Variants in SLC12A6 observed in about 807,000 individuals in gnomAD.
SLC12A6 encodes the protein K-Cl cotransporter 3.
Under a neutral mutation model 135.3 loss-of-function variants are expected in SLC12A6, and 66 were observed. The observed-to-expected ratio is 0.49, with a 90% CI of 0.40 to 0.60. The LOEUF (loss-of-function observed/expected upper bound fraction) is 0.60. Ranked by LOEUF, SLC12A6 falls within the 20% of genes least tolerant of loss-of-function variation. The probability of loss-of-function intolerance (pLI) is 0.00; values close to 1 mark genes in which losing one functional copy is unlikely to be tolerated. For synonymous variants in SLC12A6, 513 were observed against 508.8 expected, an observed-to-expected ratio of 1.01 and a Z score of -0.11; for missense variants, 1,058 against 1,452.3, an observed-to-expected ratio of 0.73 and a Z score of 4.41.
At chr15:34,245,485 C>T in intron 14 of SLC12A6, 82 bp from the exon 15 acceptor site, 1 of 932,804 alleles carries the variant, frequency 1.1e-6, no homozygotes, top group Admixed American at 1.7e-5. Flanking sequence ...TTTCAGACAT[C>T]TGGAAGACAA....
At chr15:34,271,349 T>C (rs1049760851) in intron 3 of SLC12A6, among the ~76,000 whole-genome samples, 1 of 150,892 alleles carries the variant, frequency 6.6e-6, no homozygotes, top group Non-Finnish European at 1.5e-5. Context: ...ATTGTAGATA[T>C]GTTCCTAAGT....
In SLC12A6 at chr15:34,252,201, G is replaced by C. The variant is rs892640393; in HGVS notation, c.1302C>G (p.Gly434=). Residue 434 remains glycine, a synonymous_variant, in exon 10 of 26, where the codon GGC becomes GGG. Transcript: ENST00000354181. ...FVHNNVTSIQ[G]IPGLASGIIT... The stretch of plus-strand genomic sequence containing the variant: ...TTATACCACTAGCCAATCCAGGAAT[G>C]CCCTGGATTGAAGTGACGTTATTGT... The C allele has an allele frequency of 3.8e-6, 6 of 1,594,700 alleles. No homozygotes were observed. In the African/African-American group the frequency reaches 8.1e-5, roughly 21 times the overall value.
intron 17 of SLC12A6, among the ~76,000 whole-genome samples, chr15:34,241,861 T>C (rs908579923): frequency 1.3e-5 from 2 of 152,266 alleles, no homozygotes; most frequent in African/African-American, 4.8e-5. Flanking sequence ...TGTTTAGTAC[T>C]AATTATTATT....
chr15:34,313,865 G>T (rs1393271609), intron 2 of SLC12A6, among the ~76,000 whole-genome samples: 4 of 151,686 alleles, frequency 2.6e-5, no homozygotes, highest in African/African-American at 2.4e-5. Context: ...TCAGCTACTA[G>T]GAGGCTGAGA....
Position 34,236,165 on chromosome 15 carries a change from C to T in SLC12A6, c.3077G>A (p.Arg1026Gln), listed in dbSNP as rs764760014. The T allele has an allele frequency of 5.6e-6, 9 of 1,613,592 alleles. No individual in the cohort carries two copies. Among genetic ancestry groups the T allele is most frequent in the South Asian group, 2.2e-5 (2 of 91,066 alleles). The change falls in exon 24 of 26, where the codon CGA (arginine) becomes CAA (glutamine). Residue 1026 changes from arginine to glutamine, a missense_variant. Physicochemically the swap from Arg to Gln is conservative, Grantham distance 43. This residue lies in a region of SLC12A6 where 245 missense variants were observed against 440.8 expected (regional missense o/e 0.56). Coordinates refer to ENST00000354181, the MANE Select transcript of SLC12A6 (RefSeq NM_001365088.1). ...CTCATCAGAGCCAATGCTGGTCAAT[C>T]GTAGCATTGAGTTTCGGTCTTTCAC... ...QLVKDRNSML[R>Q]LTSIGSDEDE...
chr15:34,254,288 C>A, intron 9 of SLC12A6, 60 bp downstream of exon 9: 1 of 1,501,034 alleles, frequency 6.7e-7, no homozygotes, highest in South Asian at 1.1e-5. Flanking sequence ...ATTATCACAC[C>A]ACCAGATATT....
At chr15:34,252,452 G>A in intron 9 of SLC12A6, 68 bp from the exon 10 acceptor site, 1 of 917,450 alleles carries the variant, frequency 1.1e-6, no homozygotes, top group Admixed American at 1.9e-5. Flanking sequence ...AAAGGAAACA[G>A]GTTAGTAAAG....
intron 2 of SLC12A6, among the ~76,000 whole-genome samples, chr15:34,322,679 T>C (rs1195319416): frequency 6.6e-6 from 1 of 151,828 alleles, no homozygotes; most frequent in Admixed American, 6.6e-5. Context: ...CCTGTATGCT[T>C]GAAAATTTTC....
At chr15:34,301,151 T>C (rs1896228838) in intron 2 of SLC12A6, among the ~76,000 whole-genome samples, 1 of 152,102 alleles carries the variant, frequency 6.6e-6, no homozygotes, top group Non-Finnish European at 1.5e-5. Flanking sequence ...TCTTTTTTAG[T>C]AGAGACAGGG....
At chr15:34,295,641 T>C (rs1487713473) in intron 2 of SLC12A6, among the ~76,000 whole-genome samples, 1 of 152,206 alleles carries the variant, frequency 6.6e-6, no homozygotes, top group Non-Finnish European at 1.5e-5. Context: ...AATAATAGTT[T>C]GAGTCACTAT....
rs566798583 is a variant in SLC12A6 at position 34,261,726 on chromosome 15, G to T, written c.317-706C>A. On this transcript the variant is annotated intron_variant, in intron 3 of 25. Coordinates refer to ENST00000354181, the MANE Select transcript of SLC12A6 (RefSeq NM_001365088.1). Reference sequence around the variant, plus strand: ...ATTGCTGCTGATAATGACAGTAAAAGCTCTCTGCCTCCACAGCTGTCTGAC... The same window carrying T: ...ATTGCTGCTGATAATGACAGTAAAATCTCTCTGCCTCCACAGCTGTCTGAC... 2.0e-4 allele frequency among the ~76,000 whole-genome samples: 30 copies of T among 152,310 alleles called. 1 individual carries two copies. The highest frequency in any genetic ancestry group is 6.5e-4 in the African/African-American group (27 of 41,566).
In SLC12A6 at chr15:34,232,207, A is replaced by G. The variant is rs1228326054; in HGVS notation, c.*1674T>C. On this transcript the variant is annotated 3_prime_UTR_variant, in exon 26 of 26. Transcript: ENST00000354181. ...CAGTATATTAGTAAATAAAAAGCTG[A>G]GCTTACACAAGTATTTCCTTGGCAC... 2 of 152,148 alleles carry G rather than the reference A, an allele frequency of 1.3e-5. No individual in the cohort carries two copies. The highest frequency in any genetic ancestry group is 2.9e-5 in the Non-Finnish European group (2 of 68,016). The allele number at this position is 152,148 out of a possible 1,614,324, so 9.4% of individuals were successfully genotyped here.
At chr15:34,252,535 A>G (rs1266371104) in intron 9 of SLC12A6, 151 bp from the exon 10 acceptor site, 1 of 620,056 alleles carries the variant, frequency 1.6e-6, no homozygotes, top group Non-Finnish European at 2.9e-6. Flanking sequence ...TTTATTTATA[A>G]TTTATTTTAA....
At chr15:34,293,639 G>T (rs1355863225) in intron 2 of SLC12A6, among the ~76,000 whole-genome samples, 1 of 152,220 alleles carries the variant, frequency 6.6e-6, no homozygotes, top group Non-Finnish European at 1.5e-5. Flanking sequence ...TCGCTCTGAG[G>T]CCTAGGCAGG....
Position 34,257,723 on chromosome 15 carries a change from G to A in SLC12A6, c.609C>T (p.Ile203=), listed in dbSNP as rs2140746741. 6.2e-7 allele frequency: 1 copy of A among 1,610,774 alleles called. No homozygotes were observed. Among genetic ancestry groups the A allele is most frequent in the Non-Finnish European group, 8.5e-7 (1 of 1,177,046 alleles). ...LPCLQNIFGV[I]LFLRLTWVVG... ...CCACCCATGTAAGGCGTAAAAAAAG[G>A]ATCACTCCAAAAATATTTTGTAGAC... The change falls in exon 6 of 26, where the codon ATC becomes ATT. Residue 203 remains isoleucine (I), a synonymous_variant. Coordinates refer to ENST00000354181, the MANE Select transcript of SLC12A6 (RefSeq NM_001365088.1).
chr15:34,242,002 A>G, intron 17 of SLC12A6, 100 bp downstream of exon 17: 1 of 856,834 alleles, frequency 1.2e-6, no homozygotes, highest in Non-Finnish European at 2.0e-6. Context: ...TATGAAAATG[A>G]AGTTACCTGA....
At chr15:34,315,757 G>A (rs1003833086) in intron 2 of SLC12A6, among the ~76,000 whole-genome samples, 7 of 151,936 alleles carry the variant, frequency 4.6e-5, no homozygotes, top group Non-Finnish European at 1.0e-4. Context: ...AGACTGAGGC[G>A]GGCGGATCAC....
At chr15:34,335,403 GGTGA>G (rs1890131481) in intron 2 of SLC12A6, among the ~76,000 whole-genome samples, 2 of 152,304 alleles carry the variant, frequency 1.3e-5, no homozygotes, top group African/African-American at 2.4e-5. Context: ...ACCGGAAAAT[GGTGA>G]GTAAGCCTTG....
In SLC12A6 at chr15:34,279,342, C is replaced by A. The variant is rs1408598617; in HGVS notation, c.272-3953G>T. Among the ~76,000 whole-genome samples the A allele has an allele frequency of 1.0e-3, 157 of 149,528 alleles. 7 individuals are homozygous for A. Among genetic ancestry groups the A allele is most frequent in the Non-Finnish European group, 7.9e-4 (53 of 66,908 alleles). On this transcript the variant is annotated intron_variant, in intron 2 of 25. Coordinates refer to ENST00000354181, the MANE Select transcript of SLC12A6 (RefSeq NM_001365088.1). ...AAAACAAACAAAAAACAAAACAAAA[C>A]AAAACAAAAAAAACAAAGAACTAAA...
Sources: allele counts gnomAD v4.1 joint callset (sites outside exome capture counted in the v4.1 genomes callset), GRCh38; gene constraint gnomAD v4.1.1; regional missense constraint gnomAD v4.1.1; transcripts MANE v1.5; gene names NCBI Gene and HGNC (gene_info 2026-07-23, HGNC 2026-07-21).